The following DRC4 variants were observed in gnomAD, a reference collection of about 807,000 sequenced individuals.
The protein encoded by DRC4 is GAS-11.
the DRC4 span, chr16:90,037,232 G>A: frequency 6.2e-7 from 1 of 1,607,708 alleles, no homozygotes; most frequent in African/African-American, 1.3e-5. Context: ...GTGCCTGCAG[G>A]AGCAGATGGA....
chr16:90,041,357 T>A, the DRC4 span, among the ~76,000 whole-genome samples: 2 of 152,132 alleles, frequency 1.3e-5, 1 homozygote, highest in Middle Eastern at 6.3e-3. Context: ...GGGGCTGCTG[T>A]GTCAGTGGGC....
the DRC4 span, chr16:90,040,095 C>T: frequency 1.6e-6 from 1 of 608,514 alleles, no homozygotes; most frequent in African/African-American, 1.8e-5. Context: ...TGATGTGTTC[C>T]TCCTGCCTTC....
the DRC4 span, chr16:90,035,505 C>T: frequency 8.2e-7 from 1 of 1,214,382 alleles, no homozygotes. Context: ...TTAGAGGTGA[C>T]TTTAGTTGAG....
the DRC4 span, among the ~76,000 whole-genome samples, chr16:90,040,672 CTG>C: frequency 1.3e-5 from 2 of 151,802 alleles, no homozygotes; most frequent in African/African-American, 4.8e-5. Context: ...CAGTTGGGAA[CTG>C]TGGAAGGGCT....
chr16:90,033,543 A>G, the DRC4 span, among the ~76,000 whole-genome samples: 2 of 152,332 alleles, frequency 1.3e-5, no homozygotes, highest in East Asian at 1.9e-4. Flanking sequence ...GCACATGCCG[A>G]TAGTTTCAGC....
At chr16:90,032,166 CA>C in the DRC4 span, among the ~76,000 whole-genome samples, 2 of 145,322 alleles carry the variant, frequency 1.4e-5, no homozygotes, top group African/African-American at 2.7e-5. Context: ...TGCAGGTGAG[CA>C]GGGGGGTACA....
the DRC4 span, among the ~76,000 whole-genome samples, chr16:90,030,241 T>C: frequency 6.6e-6 from 1 of 152,238 alleles, no homozygotes; most frequent in African/African-American, 2.4e-5. Context: ...CATTATGATA[T>C]GAATTTGTTT....
chr16:90,022,725 G>A, the DRC4 span: 1 of 1,418,742 alleles, frequency 7.0e-7, no homozygotes, highest in Non-Finnish European at 9.3e-7. Flanking sequence ...TGGCGTCATG[G>A]TGAGCAGGGG....
At chr16:90,036,451 G>A in the DRC4 span, 4 of 1,614,114 alleles carry the variant, frequency 2.5e-6, no homozygotes, top group Middle Eastern at 1.7e-4. Flanking sequence ...GAAAGACTGA[G>A]CTCCACGAAG....
At chr16:90,031,517 C>T in the DRC4 span, 5 of 1,541,480 alleles carry the variant, frequency 3.2e-6, no homozygotes, top group East Asian at 2.5e-5. Flanking sequence ...CCGGCCTGCA[C>T]GTGCTAACCT....
chr16:90,044,670 C>T, the DRC4 span: 2 of 464,284 alleles, frequency 4.3e-6, no homozygotes, highest in Admixed American at 2.4e-5. Context: ...AAGCCCCCCA[C>T]CCCAGCTTTC....
the DRC4 span, chr16:90,032,990 ACTC>A: frequency 7.5e-7 from 1 of 1,333,798 alleles, no homozygotes; most frequent in Non-Finnish European, 1.1e-6. Flanking sequence ...TGCTGCATGA[ACTC>A]CTGTTTATTC....
chr16:90,027,646 A>G, the DRC4 span: 1 of 1,613,990 alleles, frequency 6.2e-7, no homozygotes, highest in African/African-American at 1.3e-5. Flanking sequence ...GCACCGAAAA[A>G]GAAAGGGAAG....
At chr16:90,041,978 C>T in the DRC4 span, among the ~76,000 whole-genome samples, 1 of 152,016 alleles carries the variant, frequency 6.6e-6, no homozygotes, top group Non-Finnish European at 1.5e-5. Flanking sequence ...TGCTCTGTCA[C>T]CCAGACTGGA....
At chr16:90,025,430 TCA>T in the DRC4 span, among the ~76,000 whole-genome samples, 1 of 150,694 alleles carries the variant, frequency 6.6e-6, no homozygotes, top group African/African-American at 2.4e-5. Flanking sequence ...GGTGGGCAGA[TCA>T]CGGGTCAGGA....
chr16:90,025,692 T>C, the DRC4 span, among the ~76,000 whole-genome samples: 1 of 140,784 alleles, frequency 7.1e-6, no homozygotes, highest in Non-Finnish European at 1.5e-5. Context: ...AAGACCAGCC[T>C]GGCCAACATG....
chr16:90,024,123 T>C, the DRC4 span, among the ~76,000 whole-genome samples: 6 of 139,468 alleles, frequency 4.3e-5, no homozygotes, highest in South Asian at 2.4e-4. Flanking sequence ...TTACTAAAAA[T>C]ACACACACAC....
the DRC4 span, among the ~76,000 whole-genome samples, chr16:90,026,886 C>T: frequency 1.4e-5 from 2 of 139,264 alleles, no homozygotes; most frequent in Admixed American, 7.8e-5. Flanking sequence ...GAATGAGTTC[C>T]CTCTCTTTTC....
the DRC4 span, chr16:90,035,500 G>A: frequency 4.4e-6 from 5 of 1,133,356 alleles, no homozygotes; most frequent in Non-Finnish European, 6.6e-6. Flanking sequence ...CAAGCTTAGA[G>A]GTGACTTTAG....
Sources: allele counts gnomAD v4.1 joint callset (sites outside exome capture counted in the v4.1 genomes callset), GRCh38; gene constraint gnomAD v4.1.1; transcripts MANE v1.5; gene names NCBI Gene and HGNC (gene_info 2026-07-23, HGNC 2026-07-21).